DMXL2: variants seen among roughly 807,000 people sequenced by gnomAD.
DMXL2 encodes the protein Dmx like 2, also known as dmX-like protein 2.
DMXL2 carries 103 observed loss-of-function variants against 331.1 expected under a neutral mutation model. The observed-to-expected ratio is 0.31, with a 90% CI of 0.27 to 0.37. The LOEUF (loss-of-function observed/expected upper bound fraction) is 0.37, where lower values mean the gene tolerates loss of function less well. DMXL2 is among the 10% of genes least tolerant of loss of function. The probability of loss-of-function intolerance (pLI) is 1.00; values close to 1 mark genes in which losing one functional copy is unlikely to be tolerated. For synonymous variants in DMXL2, 1,281 were observed against 1,252.1 expected, an observed-to-expected ratio of 1.02 and a Z score of -0.49; for missense variants, 3,171 against 3,642.9, an observed-to-expected ratio of 0.87 and a Z score of 3.33.
intron 17 of DMXL2, 126 bp downstream of exon 17, chr15:51,502,680 A>C (rs2043757128): frequency 1.5e-6 from 1 of 685,258 alleles, no homozygotes; most frequent in African/African-American, 1.8e-5. Flanking sequence ...CATTAATAGA[A>C]AATCAATCTT....
chr15:51,609,952 C>T (rs1218124594), intron 1 of DMXL2, among the ~76,000 whole-genome samples: 3 of 150,998 alleles, frequency 2.0e-5, no homozygotes, highest in African/African-American at 7.3e-5. Flanking sequence ...AAAAAACTAT[C>T]TAGGTTTGTG....
At chr15:51,524,951 C>T (rs1418626521) in intron 13 of DMXL2, among the ~76,000 whole-genome samples, 1 of 151,826 alleles carries the variant, frequency 6.6e-6, no homozygotes, top group Non-Finnish European at 1.5e-5. Context: ...CCTTCCCTAA[C>T]CCCAGGCTGT....
At chr15:51,548,151 CTG>C (rs201217068) in intron 6 of DMXL2, among the ~76,000 whole-genome samples, 4,077 of 152,170 alleles carry the variant, frequency 0.027, 84 homozygotes, top group Middle Eastern at 0.044. Flanking sequence ...GGCTAAACAA[CTG>C]TATTTTAACA....
intron 1 of DMXL2, among the ~76,000 whole-genome samples, chr15:51,599,951 A>C (rs12442947): frequency 6.6e-6 from 1 of 151,776 alleles, no homozygotes; most frequent in African/African-American, 2.4e-5. Context: ...TGCCCGCCTC[A>C]GCCTCCCAAA....
chr15:51,479,797 T>C (rs1401193385), intron 25 of DMXL2, 151 bp downstream of exon 25: 1 of 475,912 alleles, frequency 2.1e-6, no homozygotes, highest in African/African-American at 2.0e-5. Flanking sequence ...TACTTTTAAA[T>C]TACATTCATT....
At chr15:51,522,027 T>C (rs1596109922) in intron 13 of DMXL2, among the ~76,000 whole-genome samples, 1 of 152,334 alleles carries the variant, frequency 6.6e-6, no homozygotes, top group Admixed American at 6.5e-5. Context: ...TAGAATACCT[T>C]AGTAAGTACT....
chr15:51,594,445 C>T (rs2052634455), intron 1 of DMXL2, among the ~76,000 whole-genome samples: 2 of 152,106 alleles, frequency 1.3e-5, no homozygotes, highest in Admixed American at 6.6e-5. Context: ...CCAAAAAAAT[C>T]CAGGACCAGA....
chr15:51,580,245 G>T (rs542751681), intron 1 of DMXL2, among the ~76,000 whole-genome samples: 1 of 152,254 alleles, frequency 6.6e-6, no homozygotes, highest in Admixed American at 6.5e-5. Context: ...TTTTACCAGA[G>T]GAAGAATTTA....
At chr15:51,544,326 G>A (rs1036095980) in intron 8 of DMXL2, among the ~76,000 whole-genome samples, 4 of 152,004 alleles carry the variant, frequency 2.6e-5, no homozygotes, top group African/African-American at 7.2e-5. Context: ...GCACCTCCCC[G>A]CAACTCTCTC....
intron 13 of DMXL2, among the ~76,000 whole-genome samples, chr15:51,533,310 C>A (rs189467714): frequency 2.6e-4 from 39 of 151,990 alleles, no homozygotes; most frequent in Non-Finnish European, 4.9e-4. Flanking sequence ...TGTGAGTCAC[C>A]GTGCCTGGCT....
chr15:51,587,950 G>A (rs1381250078), intron 1 of DMXL2, among the ~76,000 whole-genome samples: 3 of 152,010 alleles, frequency 2.0e-5, no homozygotes, highest in African/African-American at 7.3e-5. Context: ...GATGTTTTTT[G>A]GCTGCATAAA....
intron 23 of DMXL2, among the ~76,000 whole-genome samples, chr15:51,484,892 G>C (rs557007500): frequency 6.6e-6 from 1 of 151,802 alleles, no homozygotes; most frequent in Non-Finnish European, 1.5e-5. Flanking sequence ...TCATACAAAA[G>C]AACCAAACAG....
chr15:51,609,550 T>C (rs2053817616), intron 1 of DMXL2, among the ~76,000 whole-genome samples: 1 of 152,246 alleles, frequency 6.6e-6, no homozygotes, highest in Non-Finnish European at 1.5e-5. Flanking sequence ...GGGTACATTA[T>C]TCAGTACAGT....
intron 23 of DMXL2, among the ~76,000 whole-genome samples, chr15:51,482,490 A>G (rs1423241812): frequency 6.6e-6 from 1 of 152,032 alleles, no homozygotes; most frequent in Admixed American, 6.6e-5. Flanking sequence ...AATTCTAAGG[A>G]AAAAAAATTT....
intron 16 of DMXL2, among the ~76,000 whole-genome samples, chr15:51,503,845 T>C (rs923623224): frequency 2.0e-5 from 3 of 152,198 alleles, no homozygotes; most frequent in African/African-American, 4.8e-5. Context: ...ATAATTATTA[T>C]GCATCAATAA....
At chr15:51,569,571 C>G (rs776084197) in intron 2 of DMXL2, among the ~76,000 whole-genome samples, 41 of 152,188 alleles carry the variant, frequency 2.7e-4, no homozygotes, top group Admixed American at 6.5e-5. Flanking sequence ...ACACCACATA[C>G]AGGAGAGCTC....
At chr15:51,615,152 G>A (rs1459238253) in intron 1 of DMXL2, among the ~76,000 whole-genome samples, 1 of 152,162 alleles carries the variant, frequency 6.6e-6, no homozygotes, top group African/African-American at 2.4e-5. Flanking sequence ...GACTGGAAGA[G>A]GAAAATGTTA....
At position 51,486,087 on chromosome 15, in the gene DMXL2, T is replaced by G; in HGVS notation, c.5468A>C (p.Asp1823Ala). Reference protein sequence around the residue: ...DTLLEQTPKEDDEHQVIIKSC... With the variant: ...DTLLEQTPKEADEHQVIIKSC... ...AAACGTCCTACCTTGATGTTCATCA[T>G]CCTCCTTTGGTGTTTGTTCCAGTAA... The change falls in exon 23 of 44, where the codon GAT becomes GCT. Residue 1823 changes from aspartate (D) to alanine (A), a missense_variant. By Grantham distance (126) the Asp-to-Ala change is moderately radical. Around this residue, in one of 7 missense-constraint regions of DMXL2, gnomAD observed 244 missense variants for 251.4 expected, o/e 0.97. Coordinates refer to ENST00000560891, the MANE Select transcript of DMXL2 (RefSeq NM_001378457.1). 1 of 1,599,292 alleles carries G rather than the reference T, an allele frequency of 6.3e-7. No homozygotes were observed. Among genetic ancestry groups the G allele is most frequent in the Non-Finnish European group, 8.5e-7 (1 of 1,170,530 alleles).
At chr15:51,489,427 C>T (rs1357765588) in intron 20 of DMXL2, among the ~76,000 whole-genome samples, 2 of 152,104 alleles carry the variant, frequency 1.3e-5, no homozygotes, top group Non-Finnish European at 2.9e-5. Flanking sequence ...GAGGCCGAGA[C>T]AGGCAGATCA....
Sources: allele counts gnomAD v4.1 joint callset (sites outside exome capture counted in the v4.1 genomes callset), GRCh38; gene constraint gnomAD v4.1.1; regional missense constraint gnomAD v4.1.1; transcripts MANE v1.5; gene names NCBI Gene and HGNC (gene_info 2026-07-23, HGNC 2026-07-21).